PLD5: variants seen among roughly 807,000 people sequenced by gnomAD.
The protein encoded by PLD5 is phospholipase D family member 5.
A neutral mutation model predicts 61.1 loss-of-function variants in PLD5; 36 were observed. The ratio of observed to expected loss-of-function variants is 0.59; its 90% CI spans 0.45 to 0.78. The LOEUF is 0.78. PLD5 is among the 30% of genes least tolerant of loss of function. The pLI is 0.00. For synonymous variants in PLD5, 243 were observed against 242.8 expected (o/e 1.00, Z -0.01); for missense variants, 515 against 644.4 (o/e 0.80, Z 2.17).
intron 1 of PLD5, among the ~76,000 whole-genome samples, chr1:242,437,379 C>T (rs1449926709): frequency 2.0e-5 from 3 of 152,278 alleles, no homozygotes; most frequent in African/African-American, 4.8e-5. Flanking sequence ...TCATCCTTTA[C>T]CCTCCTAGCT....
chr1:242,190,434 C>T (rs1668189250), intron 5 of PLD5, among the ~76,000 whole-genome samples: 1 of 151,988 alleles, frequency 6.6e-6, no homozygotes, highest in Non-Finnish European at 1.5e-5. Context: ...GCGTGAGCCA[C>T]CGCGCCCGGC....
intron 5 of PLD5, among the ~76,000 whole-genome samples, chr1:242,163,973 G>C (rs1666104027): frequency 6.6e-6 from 1 of 152,084 alleles, no homozygotes. Flanking sequence ...CTGTCTATAA[G>C]TGATTTCATC....
chr1:242,209,071 T>C (rs1669628341), intron 5 of PLD5: 1 of 152,234 alleles, frequency 6.6e-6, no homozygotes, highest in Admixed American at 6.5e-5. Flanking sequence ...ACATTTTCCT[T>C]CCTGGCTTCT....
chr1:242,240,813 A>G (rs1671951896), intron 4 of PLD5, among the ~76,000 whole-genome samples: 1 of 152,148 alleles, frequency 6.6e-6, no homozygotes, highest in African/African-American at 2.4e-5. Context: ...AAAATCAGTT[A>G]ATATGGCTCT....
chr1:242,312,873 G>A (rs922804817), intron 2 of PLD5, among the ~76,000 whole-genome samples: 10 of 152,258 alleles, frequency 6.6e-5, no homozygotes, highest in East Asian at 5.8e-4. Flanking sequence ...TATTTGCTTC[G>A]TTCTTATAAA....
intron 4 of PLD5, among the ~76,000 whole-genome samples, chr1:242,228,455 G>C (rs1671093673): frequency 6.6e-6 from 1 of 152,206 alleles, no homozygotes; most frequent in Non-Finnish European, 1.5e-5. Flanking sequence ...TTTGGTCACA[G>C]CTGATTGGAC....
intron 7 of PLD5, among the ~76,000 whole-genome samples, chr1:242,109,976 G>T (rs72761229): frequency 0.32 from 47,992 of 150,276 alleles, 7,879 homozygotes; most frequent in African/African-American, 0.39. Context: ...GAACACAGAG[G>T]TGTGAGTGGT....
intron 3 of PLD5, among the ~76,000 whole-genome samples, chr1:242,267,722 G>GT (rs201210094): frequency 7.4e-6 from 1 of 134,464 alleles, no homozygotes; most frequent in South Asian, 2.4e-4. Context: ...TCTACAAAAA[G>GT]TTAAAAAAAA....
At chr1:242,309,392 T>C (rs1676565505) in intron 2 of PLD5, among the ~76,000 whole-genome samples, 1 of 150,176 alleles carries the variant, frequency 6.7e-6, no homozygotes, top group Admixed American at 6.6e-5. Context: ...TCTTTTCTTT[T>C]TTTTTTTTTT....
chr1:242,278,075 C>CT (rs1265530483), intron 3 of PLD5, among the ~76,000 whole-genome samples: 1 of 152,102 alleles, frequency 6.6e-6, no homozygotes, highest in Non-Finnish European at 1.5e-5. Flanking sequence ...CTGTCAAAAA[C>CT]TTTTTTTGTT....
At chr1:242,394,290 GAGTA>G (rs1663225939) in intron 1 of PLD5, among the ~76,000 whole-genome samples, 1 of 93,124 alleles carries the variant, frequency 1.1e-5, no homozygotes, top group East Asian at 2.9e-4. Flanking sequence ...GTATATATAT[GAGTA>G]TATATATGAG....
intron 1 of PLD5, among the ~76,000 whole-genome samples, chr1:242,520,711 G>A (rs1324269962): frequency 1.3e-5 from 2 of 152,072 alleles, no homozygotes; most frequent in African/African-American, 4.8e-5. Flanking sequence ...GTTCAAAAAA[G>A]CATACAGCAC....
intron 1 of PLD5, among the ~76,000 whole-genome samples, chr1:242,510,832 G>A (rs1485104700): frequency 1.3e-5 from 2 of 151,266 alleles, no homozygotes; most frequent in Non-Finnish European, 2.9e-5. Flanking sequence ...GTGACAGAGC[G>A]AGACTCTGTC....
At chr1:242,422,864 T>G (rs74657847) in intron 1 of PLD5, among the ~76,000 whole-genome samples, 1 of 127,316 alleles carries the variant, frequency 7.9e-6, no homozygotes, top group Non-Finnish European at 1.6e-5. Context: ...TTTTTTTTTT[T>G]TTGAGATAAG....
At chr1:242,441,445 C>G (rs1666269672) in intron 1 of PLD5, among the ~76,000 whole-genome samples, 1 of 151,922 alleles carries the variant, frequency 6.6e-6, no homozygotes, top group Non-Finnish European at 1.5e-5. Flanking sequence ...TATGAATCTT[C>G]CGAAATTACC....
chr1:242,361,020 T>C (rs1661037140), intron 1 of PLD5, among the ~76,000 whole-genome samples: 1 of 152,126 alleles, frequency 6.6e-6, no homozygotes, highest in Non-Finnish European at 1.5e-5. Context: ...ATTCAATGAA[T>C]GAATCCTAAC....
intron 5 of PLD5, among the ~76,000 whole-genome samples, chr1:242,138,254 C>G (rs1243780034): frequency 6.6e-6 from 1 of 151,992 alleles, no homozygotes; most frequent in African/African-American, 2.4e-5. Context: ...GTCCTGATCC[C>G]TGAAATATAT....
intron 2 of PLD5, among the ~76,000 whole-genome samples, chr1:242,297,409 T>TAA: frequency 7.2e-6 from 1 of 139,646 alleles, no homozygotes; most frequent in East Asian, 2.1e-4. Context: ...AAGACTTTTT[T>TAA]TTTTTTTTTT....
chr1:242,409,172 C>A (rs1162595229), intron 1 of PLD5, among the ~76,000 whole-genome samples: 3 of 152,240 alleles, frequency 2.0e-5, no homozygotes, highest in African/African-American at 7.2e-5. Context: ...CCAACTTTGT[C>A]ATGACTAGCT....
Sources: gnomAD v4.1 joint callset for allele counts (sites outside exome capture counted in the v4.1 genomes callset) on GRCh38, gnomAD v4.1.1 for gene constraint, MANE v1.5 for transcripts, NCBI Gene and HGNC (gene_info 2026-07-23, HGNC 2026-07-21) for gene names.